Variants in ABCC6 observed in about 807,000 individuals in gnomAD.
ABCC6 encodes ATP binding cassette subfamily C member 6.
Under a neutral mutation model 169.5 loss-of-function variants are expected in ABCC6, and 126 were observed. The ratio of observed to expected loss-of-function variants is 0.74; its 90% CI spans 0.64 to 0.86. The LOEUF is 0.86. ABCC6 is among the 40% of genes least tolerant of loss of function. The pLI, the probability that ABCC6 is intolerant of heterozygous loss-of-function variation, is 0.00. For missense variants in ABCC6, 1,733 were observed against 1,927.2 expected (o/e 0.90, Z 1.89); for synonymous variants, 752 against 814.7 (o/e 0.92, Z 1.31).
At chr16:16,187,365 G>A (rs931336753) in intron 13 of ABCC6, among the ~76,000 whole-genome samples, 154 bp from the exon 14 acceptor site, 7 of 152,200 alleles carry the variant, frequency 4.6e-5, no homozygotes, top group Non-Finnish European at 1.0e-4. Context: ...CATGGGAAAC[G>A]ATGCAACCCG....
chr16:16,204,869 CTT>C (rs962650244), intron 7 of ABCC6, among the ~76,000 whole-genome samples: 1 of 144,958 alleles, frequency 6.9e-6, no homozygotes, highest in African/African-American at 2.6e-5. Flanking sequence ...GAGTTTCGCT[CTT>C]GTCGCCCAGG....
chr16:16,201,625 C>A (rs907768579), intron 9 of ABCC6, among the ~76,000 whole-genome samples: 7 of 152,092 alleles, frequency 4.6e-5, no homozygotes, highest in African/African-American at 1.7e-4. Flanking sequence ...GCTAGGAGTT[C>A]GAGACCAGCC....
rs201633047 is a variant in ABCC6, at chr16:16,190,376, G to A, written c.1432-9C>T. ...TGCCTCATTTGCTCCTCCTGGGATC[G>A]GAGGGAAAAAGAGAGATGAAGACAG... On this transcript the variant is annotated splice_polypyrimidine_tract_variant and intron_variant, in intron 11 of 30. Transcript: ENST00000205557. 295 of 1,613,936 alleles carry A rather than the reference G, an allele frequency of 1.8e-4. No individual in the cohort carries two copies. The African/African-American group carries it at 3.2e-3, about 17-fold the overall frequency.
intron 20 of ABCC6, among the ~76,000 whole-genome samples, chr16:16,175,456 C>T (rs550912499): frequency 6.0e-4 from 92 of 152,268 alleles, no homozygotes; most frequent in African/African-American, 2.1e-3. Context: ...AAGAGGGGAC[C>T]GGAGGCCTCC....
intron 6 of ABCC6, among the ~76,000 whole-genome samples, chr16:16,209,630 G>T (rs915850571): frequency 1.3e-5 from 2 of 151,220 alleles, no homozygotes; most frequent in African/African-American, 4.9e-5. Flanking sequence ...TTGAGATGGA[G>T]TCTCACTCTG....
chr16:16,170,940 AAGAAAG>A (rs562879720), intron 21 of ABCC6, among the ~76,000 whole-genome samples: 17,379 of 83,192 alleles, frequency 0.21, 3,459 homozygotes, highest in Non-Finnish European at 0.27. Context: ...AAAAAAAAAA[AAGAAAG>A]AAAGAAAGAA....
intron 11 of ABCC6, among the ~76,000 whole-genome samples, chr16:16,191,201 C>T (rs1483028911): frequency 5.9e-5 from 9 of 151,904 alleles, no homozygotes; most frequent in African/African-American, 1.9e-4. Flanking sequence ...CTGTAACCTC[C>T]GCCTCCTGGG....
At chr16:16,189,108 C>A in intron 12 of ABCC6, 134 bp from the exon 13 acceptor site, 3 of 1,020,346 alleles carry the variant, frequency 2.9e-6, no homozygotes, top group Non-Finnish European at 4.5e-6. Flanking sequence ...CTCCGTAGAT[C>A]CCACTCCCAG....
chr16:16,191,915 T>C (rs932611140), intron 11 of ABCC6, among the ~76,000 whole-genome samples: 4 of 152,232 alleles, frequency 2.6e-5, no homozygotes, highest in Non-Finnish European at 5.9e-5. Context: ...ATCAGTGGCC[T>C]GTGCTGTTGC....
intron 21 of ABCC6, among the ~76,000 whole-genome samples, chr16:16,172,308 G>C (rs375285335): frequency 0.62 from 388 of 624 alleles, 165 homozygotes; most frequent in Non-Finnish European, 0.73. Flanking sequence ...GAGTGGGATG[G>C]ATAAATGGGT....
chr16:16,177,165 T>A lies in ABCC6; in HGVS notation c.2590+287A>T, dbSNP rs568133108. ...CTCTCTTTGCCTCAGTTTGCTCATCTGTAAAATGACAGCAATAACTTCACA... is the reference window on the plus strand; with the variant it reads ...CTCTCTTTGCCTCAGTTTGCTCATCAGTAAAATGACAGCAATAACTTCACA... On this transcript the variant is annotated intron_variant, in intron 19 of 30. Coordinates refer to ENST00000205557, the MANE Select transcript of ABCC6 (RefSeq NM_001171.6). Among the ~76,000 whole-genome samples, 3 of 152,362 alleles carry A rather than the reference T, an allele frequency of 2.0e-5. 1 individual carries two copies. The East Asian group carries it at 5.8e-4, about 29-fold the overall frequency.
At chr16:16,187,296 ACAGCTTCCTGTCTACC>A in intron 13 of ABCC6, 85 bp from the exon 14 acceptor site, 1 of 1,132,704 alleles carries the variant, frequency 8.8e-7, no homozygotes, top group East Asian at 2.6e-5. Flanking sequence ...ATGTGTGGCA[ACAGCTTCCTGTCTACC>A]AAGCTCTGTG....
intron 25 of ABCC6, among the ~76,000 whole-genome samples, chr16:16,160,478 G>A (rs1464063779): frequency 4.0e-5 from 6 of 151,474 alleles, no homozygotes; most frequent in African/African-American, 1.5e-4. Flanking sequence ...CTCCAGTCTG[G>A]GCAAAAGAGT....
chr16:16,159,425 T>TG, intron 26 of ABCC6, 57 bp downstream of exon 26: 1 of 1,370,512 alleles, frequency 7.3e-7, no homozygotes, highest in Non-Finnish European at 9.7e-7. Flanking sequence ...AGGGACCCAT[T>TG]GCCCCCCCCC....
chr16:16,181,338 G>A (rs1346120132), intron 17 of ABCC6, among the ~76,000 whole-genome samples: 16 of 105,874 alleles, frequency 1.5e-4, no homozygotes, highest in Admixed American at 1.4e-3. Flanking sequence ...GCGAGACTCC[G>A]TCTCAGAAAA....
chr16:16,152,132 CA>C (rs35780759), intron 29 of ABCC6, among the ~76,000 whole-genome samples: 44,473 of 137,884 alleles, frequency 0.32, 7,507 homozygotes, highest in East Asian at 0.53. Flanking sequence ...GCAGAGCTTG[CA>C]AGTGAGCCAA....
chr16:16,186,130 C>A (rs1013956911), intron 14 of ABCC6, among the ~76,000 whole-genome samples: 1 of 152,112 alleles, frequency 6.6e-6, no homozygotes, highest in Admixed American at 6.5e-5. Flanking sequence ...TTTCCAGGTA[C>A]ACAGTTTGCC....
chr16:16,202,472 C>T (rs773331862), intron 8 of ABCC6, among the ~76,000 whole-genome samples: 84 of 152,140 alleles, frequency 5.5e-4, no homozygotes, highest in Non-Finnish European at 1.0e-3. Context: ...CCCCGACCCC[C>T]AGTACCTCTG....
intron 17 of ABCC6, 58 bp from the exon 18 acceptor site, chr16:16,179,023 G>A: frequency 6.3e-7 from 1 of 1,582,924 alleles, no homozygotes; most frequent in South Asian, 1.1e-5. Context: ...AAACTGGGGT[G>A]CCCAGGCTGT....
Sources: gnomAD v4.1 joint callset for allele counts (sites outside exome capture counted in the v4.1 genomes callset) on GRCh38, gnomAD v4.1.1 for gene constraint, MANE v1.5 for transcripts, NCBI Gene and HGNC (gene_info 2026-07-23, HGNC 2026-07-21) for gene names.